HTD2: variants seen among roughly 807,000 people sequenced by gnomAD.
HTD2 encodes hydroxyacyl-thioester dehydratase type 2, also known as hydroxyacyl-thioester dehydratase type 2, mitochondrial.
Under a neutral mutation model 3.1 loss-of-function variants are expected in HTD2, and 1 was observed. That is an observed-to-expected ratio of 0.32 (90% CI 0.11 to 1.52). The LOEUF (loss-of-function observed/expected upper bound fraction) is 1.52, where lower values mean the gene tolerates loss of function less well. Ranked by LOEUF, HTD2 falls within the 40% of genes most tolerant of loss-of-function variation. The pLI is 0.39. For synonymous variants in HTD2, 50 were observed against 28.9 expected, an observed-to-expected ratio of 1.73 and a Z score of -2.34; for missense variants, 150 against 79.6, an observed-to-expected ratio of 1.88 and a Z score of -3.36.
intron 1 of HTD2, 25 bp from the exon 2 acceptor site, chr3:58,310,482 C>G (rs1553724360): frequency 7.3e-7 from 1 of 1,363,482 alleles, no homozygotes. Context: ...TTTAATATGA[C>G]TTTTTTTTTT....
chr3:58,310,101 G>A (rs369899182), intron 1 of HTD2: 1 of 537,874 alleles, frequency 1.9e-6, no homozygotes, highest in South Asian at 2.3e-5. Context: ...TCAGGAGTCT[G>A]AGGCAGGAGG....
chr3:58,313,460 G>C (rs1283632400), intron 2 of HTD2, among the ~76,000 whole-genome samples: 1 of 152,300 alleles, frequency 6.6e-6, no homozygotes, highest in South Asian at 2.1e-4. Context: ...GATTCATATA[G>C]TCTGTCAAAT....
chr3:58,314,419 G>A (rs1266691273), intron 2 of HTD2, among the ~76,000 whole-genome samples: 3 of 152,114 alleles, frequency 2.0e-5, no homozygotes, highest in Non-Finnish European at 4.4e-5. Context: ...ATTAGAAAAT[G>A]GGCAAAAACA....
At chr3:58,311,490 C>G (rs78555060) in intron 2 of HTD2, among the ~76,000 whole-genome samples, 6,964 of 152,210 alleles carry the variant, frequency 0.046, 556 homozygotes, top group African/African-American at 0.16. Flanking sequence ...TGAGTGAGAA[C>G]ATGCAACAGT....
At position 58,310,095 on chromosome 3, in the gene HTD2, G is replaced by C. The variant is rs2097480466; in HGVS notation, c.-415-412G>C. 5.7e-6 allele frequency: 3 copies of C among 525,984 alleles called. No homozygotes were observed. In the Admixed American group the frequency reaches 9.9e-5, roughly 17 times the overall value. 32.6% of individuals were successfully genotyped at this position (525,984 alleles called of 1,614,324 possible). On this transcript the variant is annotated intron_variant, in intron 1 of 4. Transcript: ENST00000461393. The stretch of plus-strand genomic sequence containing the variant: ...CGTGCCTATACTCCCAGCTACTCAG[G>C]AGTCTGAGGCAGGAGGATCACCTGA...
chr3:58,309,658 G>A (rs569101970), intron 1 of HTD2, among the ~76,000 whole-genome samples: 25 of 152,336 alleles, frequency 1.6e-4, no homozygotes, highest in South Asian at 1.0e-3. Flanking sequence ...CTGGGAGGCC[G>A]AGGCAGGCGT....
chr3:58,310,965 CA>C (rs3038127), intron 2 of HTD2, among the ~76,000 whole-genome samples: 17,320 of 142,554 alleles, frequency 0.12, 1,438 homozygotes, highest in African/African-American at 0.24. Context: ...TTTCAAACAT[CA>C]AAAAAAAAAA....
intron 1 of HTD2, chr3:58,310,100 T>C: frequency 1.9e-6 from 1 of 535,130 alleles, no homozygotes; most frequent in South Asian, 2.3e-5. Flanking sequence ...CTCAGGAGTC[T>C]GAGGCAGGAG....
At chr3:58,308,048 TC>T (rs1166255263) in intron 1 of HTD2, 7 of 151,434 alleles carry the variant, frequency 4.6e-5, no homozygotes, top group Non-Finnish European at 1.0e-4. Context: ...GGCAGCCAGC[TC>T]CATCAAGGCA....
Position 58,319,923 on chromosome 3 carries a change from A to C in HTD2, c.*1803A>C, listed in dbSNP as rs2097492754. On this transcript the variant is annotated 3_prime_UTR_variant, in exon 5 of 5. Transcript: ENST00000461393. ...AAAGTTGTACAACCATCACCAAATCAATTTTTTATAGCATTTTTCATCACC... is the reference window on the plus strand; with the variant it reads ...AAAGTTGTACAACCATCACCAAATCCATTTTTTATAGCATTTTTCATCACC... 1 of 152,128 alleles carries C rather than the reference A, an allele frequency of 6.6e-6. No individual in the cohort carries two copies. The highest frequency in any genetic ancestry group is 1.5e-5 in the Non-Finnish European group (1 of 68,028). 9.4% of individuals were successfully genotyped at this position (152,128 alleles called of 1,614,324 possible). A position where few individuals can be genotyped will look rare whatever the true frequency, so the allele number is the denominator to read the frequency against.
chr3:58,308,474 T>G (rs1372227582), intron 1 of HTD2, among the ~76,000 whole-genome samples: 2 of 152,054 alleles, frequency 1.3e-5, no homozygotes, highest in Non-Finnish European at 2.9e-5. Flanking sequence ...GTTTTTTTTT[T>G]TAGTGACAGG....
In HTD2 at chr3:58,317,844, G is replaced by A; in HGVS notation, c.231G>A (p.Lys77=). 1 of 703,020 alleles carries A rather than the reference G, an allele frequency of 1.4e-6. No homozygotes were observed. The highest frequency in any genetic ancestry group is 2.6e-6 in the Non-Finnish European group (1 of 385,014). The allele number at this position is 703,020 out of a possible 1,614,324, so 43.5% of individuals were successfully genotyped here. ...ATGAAGACTTTGCAAAACACACCAA[G>A]TTTGGAAATACAATTGTACATGGAG... ...HLNEDFAKHT[K]FGNTIVHGVL... Residue 77 remains lysine (K), a synonymous_variant, in exon 5 of 5, where the codon AAG becomes AAA. Transcript: ENST00000461393.
intron 2 of HTD2, among the ~76,000 whole-genome samples, chr3:58,314,636 G>C (rs1250077245): frequency 7.0e-6 from 1 of 142,862 alleles, no homozygotes; most frequent in Non-Finnish European, 1.5e-5. Context: ...CAGTGAGTAT[G>C]TAAAATGGTG....
chr3:58,307,200 G>A (rs1269787495), intron 1 of HTD2, among the ~76,000 whole-genome samples: 1 of 152,128 alleles, frequency 6.6e-6, no homozygotes, highest in Admixed American at 6.5e-5. Flanking sequence ...AGGTGTAGAG[G>A]GAGCAGTCCT....
chr3:58,314,060 A>G (rs1211442491), intron 2 of HTD2, among the ~76,000 whole-genome samples: 1 of 152,154 alleles, frequency 6.6e-6, no homozygotes, highest in Non-Finnish European at 1.5e-5. Flanking sequence ...TGTCTCAAAA[A>G]TAATAACACA....
chr3:58,310,651 G>A (rs945110964), intron 2 of HTD2, 60 bp downstream of exon 2: 36 of 1,448,038 alleles, frequency 2.5e-5, no homozygotes, highest in Non-Finnish European at 1.4e-5. Flanking sequence ...TACAGAAAGA[G>A]GCCGGGCGCG....
intron 1 of HTD2, among the ~76,000 whole-genome samples, chr3:58,309,748 C>T (rs930199249): frequency 3.2e-4 from 48 of 151,900 alleles, no homozygotes; most frequent in Admixed American, 2.8e-3. Flanking sequence ...AAAAGGTAGC[C>T]GGGCGTGGTA....
chr3:58,315,089 C>T (rs1689768744), intron 2 of HTD2, among the ~76,000 whole-genome samples: 1 of 152,070 alleles, frequency 6.6e-6, no homozygotes, highest in African/African-American at 2.4e-5. Flanking sequence ...ACACAAAAGC[C>T]TGTACATGAA....
intron 2 of HTD2, among the ~76,000 whole-genome samples, chr3:58,315,028 C>T (rs545094610): frequency 6.6e-6 from 1 of 152,196 alleles, no homozygotes; most frequent in South Asian, 2.1e-4. Flanking sequence ...CCATAGAACC[C>T]AGCATTAGCA....
Sources: gnomAD v4.1 joint callset for allele counts (sites outside exome capture counted in the v4.1 genomes callset) on GRCh38, gnomAD v4.1.1 for gene constraint, MANE v1.5 for transcripts, NCBI Gene and HGNC (gene_info 2026-07-23, HGNC 2026-07-21) for gene names.